The following ABCC6 variants were observed in gnomAD, a reference collection of about 807,000 sequenced individuals.
ABCC6 encodes ATP binding cassette subfamily C member 6.
ABCC6 carries 126 observed loss-of-function variants against 169.5 expected under a neutral mutation model. The ratio of observed to expected loss-of-function variants is 0.74; its 90% CI spans 0.64 to 0.86. ABCC6 has a LOEUF of 0.86. Ranked by LOEUF, ABCC6 falls within the 40% of genes least tolerant of loss-of-function variation. The pLI, the probability that ABCC6 is intolerant of heterozygous loss-of-function variation, is 0.00. For missense variants in ABCC6, 1,733 were observed against 1,927.2 expected (o/e 0.90, Z 1.89); for synonymous variants, 752 against 814.7 (o/e 0.92, Z 1.31).
At position 16,185,508 on chromosome 16, in the gene ABCC6, GCA is replaced by G. The variant is rs1277324461; in HGVS notation, c.1868-476_1868-475del. ...GGTGTTATTAATTTCACTGTGGCCG[GCA>G]CAGTGTCTCATGCCTGTAATCCCAG... On this transcript the variant is annotated intron_variant, in intron 14 of 30. Transcript: ENST00000205557. Among the ~76,000 whole-genome samples the G allele has an allele frequency of 3.3e-5, 5 of 152,272 alleles. No individual in the cohort carries two copies. The East Asian group carries it at 7.7e-4, about 24-fold the overall frequency.
Position 16,150,142 on chromosome 16 carries a change from G to C in ABCC6, c.4503C>G (p.Gly1501=). Residue 1501 remains glycine (G), a synonymous_variant, in exon 31 of 31, where the codon GGC becomes GGG. Coordinates refer to ENST00000205557, the MANE Select transcript of ABCC6 (RefSeq NM_001171.6). The part of the protein sequence containing the change: ...GLFYRLAQES[G]LV Reference sequence around the variant, plus strand: ...GGTTGAGGGTCCTGGCTCAGACCAGGCCTGACTCCTGGGCCAGTCTGTAAA... The same window carrying C: ...GGTTGAGGGTCCTGGCTCAGACCAGCCCTGACTCCTGGGCCAGTCTGTAAA... 1 of 1,612,540 alleles carries C rather than the reference G, an allele frequency of 6.2e-7. No homozygotes were observed.
intron 30 of ABCC6, 130 bp from the exon 31 acceptor site, chr16:16,150,371 C>CA (rs2046352317): frequency 7.8e-6 from 12 of 1,538,936 alleles, no homozygotes; most frequent in Admixed American, 2.0e-5. Flanking sequence ...CTCCCTGGCC[C>CA]TCACAGCTGG....
chr16:16,192,148 G>A (rs1172929112), intron 11 of ABCC6, among the ~76,000 whole-genome samples: 2 of 152,180 alleles, frequency 1.3e-5, no homozygotes, highest in Admixed American at 6.5e-5. Context: ...GAGGATCTTC[G>A]GGAGTGAGGG....
intron 11 of ABCC6, among the ~76,000 whole-genome samples, chr16:16,191,469 G>A (rs986877030): frequency 6.6e-6 from 1 of 152,086 alleles, no homozygotes. Context: ...AGGAGTCCAC[G>A]CAGGAGGCTG....
intron 12 of ABCC6, among the ~76,000 whole-genome samples, chr16:16,189,893 G>C (rs1227564542): frequency 5.3e-5 from 8 of 152,138 alleles, no homozygotes; most frequent in Non-Finnish European, 1.5e-5. Flanking sequence ...CCACCCCCCT[G>C]CATCTGTACC....
At chr16:16,157,026 G>A (rs1213152029) in intron 27 of ABCC6, among the ~76,000 whole-genome samples, 1 of 151,800 alleles carries the variant, frequency 6.6e-6, no homozygotes, top group Non-Finnish European at 1.5e-5. Flanking sequence ...GACAAGGAGA[G>A]GACAGGGAGG....
chr16:16,179,154 G>A (rs929086195), intron 17 of ABCC6, among the ~76,000 whole-genome samples, 189 bp from the exon 18 acceptor site: 1 of 152,032 alleles, frequency 6.6e-6, no homozygotes, highest in Non-Finnish European at 1.5e-5. Flanking sequence ...ATCCTTACCC[G>A]ACCTCACTTC....
intron 10 of ABCC6, among the ~76,000 whole-genome samples, chr16:16,196,770 C>G (rs189569364): frequency 6.6e-6 from 1 of 152,322 alleles, no homozygotes; most frequent in Admixed American, 6.5e-5. Flanking sequence ...GGCATTATCT[C>G]AGCTCACTGC....
At chr16:16,209,592 T>C (rs1480291856) in intron 6 of ABCC6, among the ~76,000 whole-genome samples, 1 of 133,982 alleles carries the variant, frequency 7.5e-6, no homozygotes, top group Admixed American at 7.3e-5. Context: ...CTCCCTCAGC[T>C]TTTTTTTTTT....
chr16:16,215,063 C>G (rs549201291), intron 4 of ABCC6, among the ~76,000 whole-genome samples: 1 of 152,348 alleles, frequency 6.6e-6, no homozygotes, highest in East Asian at 1.9e-4. Flanking sequence ...CTTTGTGCCA[C>G]AAAAGAAATC....
In ABCC6 at chr16:16,198,123, C is replaced by G. The variant is rs537017052; in HGVS notation, c.1236G>C (p.Leu412=). 1 of 1,612,336 alleles carries G rather than the reference C, an allele frequency of 6.2e-7. No homozygotes were observed. Among genetic ancestry groups the G allele is most frequent in the East Asian group, 2.2e-5 (1 of 44,816 alleles). ...KASAVGDVVN[L]VSVDVQRLTE... ...TCAGCCGCTGCACGTCCACGGACAC[C>G]AGATTGACCACATCACCCACCGCAC... Residue 412 remains leucine (L), a synonymous_variant, in exon 10 of 31, where the codon CTG becomes CTC. Transcript: ENST00000205557.
In ABCC6 at chr16:16,202,435, T is replaced by C. The variant is rs140155233; in HGVS notation, c.999-257A>G. Among the ~76,000 whole-genome samples the C allele has an allele frequency of 8.2e-4, 125 of 152,270 alleles. 1 individual carries two copies. In the East Asian group the frequency reaches 0.018, roughly 22 times the overall value. ...TTCCCACTTGTTATAGGCTAAATTGTGTCCTCACAAAGTTTATATGTTGAA... is the reference window on the plus strand; with the variant it reads ...TTCCCACTTGTTATAGGCTAAATTGCGTCCTCACAAAGTTTATATGTTGAA... On this transcript the variant is annotated intron_variant, in intron 8 of 30. Transcript: ENST00000205557.
intron 14 of ABCC6, 51 bp downstream of exon 14, chr16:16,187,073 C>T (rs1227623371): frequency 6.6e-7 from 1 of 1,511,914 alleles, no homozygotes; most frequent in South Asian, 1.1e-5. Context: ...CTGGGGTGGC[C>T]CCCACATCCC....
In ABCC6 at chr16:16,154,967, T is replaced by C. The variant is rs1222411509; in HGVS notation, c.3947A>G (p.Gln1316Arg). ...SSLASGLLRL[Q>R]EAAEGGIWID... is the part of the protein sequence containing the mutation. ...CCAGATCCCACCCTCAGCTGCCTCC[T>C]GGAGCCGCAGCAGCCCACTGGCCAG... The change falls in exon 28 of 31, where the codon CAG (glutamine) becomes CGG (arginine). Residue 1316 changes from glutamine to arginine, a missense_variant. By Grantham distance (43) the Gln-to-Arg change is conservative. Coordinates refer to ENST00000205557, the MANE Select transcript of ABCC6 (RefSeq NM_001171.6). 1 of 1,581,132 alleles carries C rather than the reference T, an allele frequency of 6.3e-7. No individual in the cohort carries two copies. Among genetic ancestry groups the C allele is most frequent in the Admixed American group, 1.8e-5 (1 of 55,254 alleles).
chr16:16,164,220 C>T (rs753167945), intron 23 of ABCC6, among the ~76,000 whole-genome samples: 7 of 152,108 alleles, frequency 4.6e-5, no homozygotes, highest in South Asian at 2.1e-4. Flanking sequence ...TTTTAGTAGA[C>T]GGAGTTTCAC....
At chr16:16,200,013 A>G (rs1354863356) in intron 9 of ABCC6, among the ~76,000 whole-genome samples, 2 of 151,902 alleles carry the variant, frequency 1.3e-5, no homozygotes, top group African/African-American at 4.8e-5. Flanking sequence ...GGTTGCAGTG[A>G]GCCAAGATTG....
intron 13 of ABCC6, among the ~76,000 whole-genome samples, chr16:16,188,229 A>C (rs2047719828): frequency 6.6e-6 from 1 of 150,850 alleles, no homozygotes; most frequent in Admixed American, 6.6e-5. Flanking sequence ...AAAATACAAA[A>C]AAAAAAAAAA....
At position 16,178,697 on chromosome 16, in the gene ABCC6, C is replaced by G. The variant is rs2047368954; in HGVS notation, c.2415+101G>C. 3 of 1,372,488 alleles carry G rather than the reference C, an allele frequency of 2.2e-6. No individual in the cohort carries two copies. In the South Asian group the frequency reaches 3.5e-5, roughly 16 times the overall value. The allele number at this position is 1,372,488 out of a possible 1,614,324, so 85.0% of individuals were successfully genotyped here. ...ACCAATACAAAGAGGAAATTGGACT[C>G]AAGTGGAAGGGGGAGGTGAGATAAA... On this transcript the variant is annotated intron_variant, in intron 18 of 30. Transcript: ENST00000205557.
intron 20 of ABCC6, 117 bp from the exon 21 acceptor site, chr16:16,173,521 C>A: frequency 8.2e-7 from 1 of 1,223,348 alleles, no homozygotes; most frequent in Non-Finnish European, 1.2e-6. Context: ...TGTACTCTTT[C>A]ATTCATTCAT....
Sources: gnomAD v4.1 joint callset for allele counts (sites outside exome capture counted in the v4.1 genomes callset) on GRCh38, gnomAD v4.1.1 for gene constraint, MANE v1.5 for transcripts, NCBI Gene and HGNC (gene_info 2026-07-23, HGNC 2026-07-21) for gene names.